PLD5: variants seen among roughly 807,000 people sequenced by gnomAD.
PLD5 encodes the protein inactive phospholipase D5.
PLD5 carries 36 observed loss-of-function variants against 61.1 expected under a neutral mutation model. The observed-to-expected ratio is 0.59, with a 90% CI of 0.45 to 0.78. The LOEUF is 0.78. Among genes scored for constraint, PLD5 ranks in the 30% least tolerant of loss-of-function variants. The pLI is 0.00. For synonymous variants in PLD5, 243 were observed against 242.8 expected, an observed-to-expected ratio of 1.00 and a Z score of -0.01; for missense variants, 515 against 644.4, an observed-to-expected ratio of 0.80 and a Z score of 2.17.
At chr1:242,253,256 C>A (rs1469833258) in intron 4 of PLD5, among the ~76,000 whole-genome samples, 1 of 150,618 alleles carries the variant, frequency 6.6e-6, no homozygotes, top group Non-Finnish European at 1.5e-5. Context: ...CTCAGCCTCC[C>A]AAAGTGCTGG....
chr1:242,318,228 A>C (rs1218299464), intron 2 of PLD5, among the ~76,000 whole-genome samples: 1 of 152,090 alleles, frequency 6.6e-6, no homozygotes, highest in African/African-American at 2.4e-5. Context: ...TGGGATTAAG[A>C]CACTTCTTTG....
chr1:242,239,125 C>T (rs1671828067), intron 4 of PLD5, among the ~76,000 whole-genome samples: 2 of 152,194 alleles, frequency 1.3e-5, no homozygotes, highest in South Asian at 2.1e-4. Flanking sequence ...TCTTGCATTT[C>T]TCCCGTTGGG....
intron 1 of PLD5, among the ~76,000 whole-genome samples, chr1:242,375,223 A>T (rs377055181): frequency 1.3e-5 from 2 of 152,264 alleles, no homozygotes; most frequent in East Asian, 3.9e-4. Context: ...TCTGGAGGGA[A>T]TGGTGCTATT....
At chr1:242,505,739 G>A (rs920681825) in intron 1 of PLD5, among the ~76,000 whole-genome samples, 9 of 152,200 alleles carry the variant, frequency 5.9e-5, no homozygotes, top group Non-Finnish European at 8.8e-5. Context: ...TGCCCGAGGA[G>A]CTCAGAGGTG....
At chr1:242,350,176 T>A (rs1660394340) in intron 1 of PLD5, among the ~76,000 whole-genome samples, 1 of 152,154 alleles carries the variant, frequency 6.6e-6, no homozygotes. Flanking sequence ...AGCATCTTGA[T>A]CTTGGATTTC....
At chr1:242,212,123 G>T (rs963729513) in intron 5 of PLD5, among the ~76,000 whole-genome samples, 1 of 152,074 alleles carries the variant, frequency 6.6e-6, no homozygotes, top group Non-Finnish European at 1.5e-5. Flanking sequence ...GAAGGAGGAA[G>T]AACCATCACC....
intron 1 of PLD5, among the ~76,000 whole-genome samples, chr1:242,352,368 T>C (rs1341159214): frequency 6.6e-6 from 1 of 152,198 alleles, no homozygotes; most frequent in African/African-American, 2.4e-5. Context: ...TCCATGTTGG[T>C]ACAAATTACA....
At chr1:242,400,926 T>C (rs889515263) in intron 1 of PLD5, among the ~76,000 whole-genome samples, 1 of 152,140 alleles carries the variant, frequency 6.6e-6, no homozygotes, top group African/African-American at 2.4e-5. Context: ...TAGCTTTAAG[T>C]ATCACCCACA....
chr1:242,089,017 A>G lies in PLD5; in HGVS notation c.*837T>C, dbSNP rs1659612304. On this transcript the variant is annotated 3_prime_UTR_variant, in exon 10 of 10. Coordinates refer to ENST00000536534, the MANE Select transcript of PLD5 (RefSeq NM_001372062.1). ...AAATGCAGACTTGATAGCTTGCTGG[A>G]TATTAGCAGGTGGCTACATAATTTT... 2 of 288,514 alleles carry G rather than the reference A, an allele frequency of 6.9e-6. No homozygotes were observed. The highest frequency in any genetic ancestry group is 1.3e-5 in the Non-Finnish European group (2 of 157,406). 17.9% of individuals were successfully genotyped at this position (288,514 alleles called of 1,614,324 possible). A position where few individuals can be genotyped will look rare whatever the true frequency, so the allele number is the denominator to read the frequency against.
intron 2 of PLD5, among the ~76,000 whole-genome samples, chr1:242,305,983 G>A (rs1440520027): frequency 6.6e-6 from 1 of 152,154 alleles, no homozygotes; most frequent in African/African-American, 2.4e-5. Context: ...GTCTTGCAAG[G>A]ACCAAAGGAC....
intron 2 of PLD5, among the ~76,000 whole-genome samples, chr1:242,320,916 A>G (rs1295941263): frequency 6.6e-6 from 1 of 152,122 alleles, no homozygotes; most frequent in African/African-American, 2.4e-5. Flanking sequence ...TACTTCAAAG[A>G]CAGAAAAGGA....
intron 2 of PLD5, among the ~76,000 whole-genome samples, chr1:242,289,902 A>T (rs373697348): frequency 9.4e-4 from 142 of 151,500 alleles, no homozygotes; most frequent in Middle Eastern, 3.4e-3. Context: ...CTGCTAGTAA[A>T]ATGTTCTGTA....
chr1:242,428,519 T>C lies in PLD5; in HGVS notation c.190-80277A>G, dbSNP rs570536498. 3.3e-5 allele frequency among the ~76,000 whole-genome samples: 5 copies of C among 152,346 alleles called. No individual in the cohort carries two copies. The South Asian group carries it at 1.0e-3, about 32-fold the overall frequency. On this transcript the variant is annotated intron_variant, in intron 1 of 9. Transcript: ENST00000536534. ...AAACTGGCTAACCAGACAAGTCTCC[T>C]GTCTTTGCAAAATGTCAGGTTATCT...
chr1:242,396,408 C>A (rs1163556263), intron 1 of PLD5, among the ~76,000 whole-genome samples: 1 of 152,176 alleles, frequency 6.6e-6, no homozygotes, highest in Admixed American at 6.5e-5. Context: ...CCTGACCCCA[C>A]TTTGCCCTCC....
chr1:242,297,599 T>C (rs1361643395), intron 2 of PLD5, among the ~76,000 whole-genome samples: 3 of 150,754 alleles, frequency 2.0e-5, no homozygotes, highest in Admixed American at 2.0e-4. Flanking sequence ...AAAAAATGTT[T>C]AATTAGTATG....
At chr1:242,431,344 A>T (rs938260708) in intron 1 of PLD5, among the ~76,000 whole-genome samples, 1 of 152,204 alleles carries the variant, frequency 6.6e-6, no homozygotes, top group Non-Finnish European at 1.5e-5. Context: ...GGTCAACATG[A>T]TCTCTTTTAA....
chr1:242,448,579 G>A (rs554147732), intron 1 of PLD5, among the ~76,000 whole-genome samples: 10 of 152,174 alleles, frequency 6.6e-5, no homozygotes, highest in South Asian at 6.2e-4. Flanking sequence ...CCCATCTCCC[G>A]TGTTTTCCTC....
rs1673023966 is a variant in PLD5 at position 242,256,506 on chromosome 1, C to G, written c.607+8831G>C. On this transcript the variant is annotated intron_variant, in intron 4 of 9. Coordinates refer to ENST00000536534, the MANE Select transcript of PLD5 (RefSeq NM_001372062.1). This position sits in a 1 kb window ranked among gnomAD's most constrained non-coding sequence, Gnocchi z 5.7. ...TGTAGCGGGGGTTGAAAGGAACAAACTTAGATTCTTTTGTGCCCTTCTGTC... is the reference window on the plus strand; with the variant it reads ...TGTAGCGGGGGTTGAAAGGAACAAAGTTAGATTCTTTTGTGCCCTTCTGTC... Among the ~76,000 whole-genome samples the G allele has an allele frequency of 6.6e-6, 1 of 152,162 alleles. No homozygotes were observed. Among genetic ancestry groups the G allele is most frequent in the Non-Finnish European group, 1.5e-5 (1 of 68,042 alleles).
chr1:242,380,545 C>T lies in PLD5; in HGVS notation c.190-32303G>A, dbSNP rs112416045. Among the ~76,000 whole-genome samples the T allele has an allele frequency of 4.9e-3, 745 of 152,140 alleles. 6 individuals are homozygous for T. Among genetic ancestry groups the T allele is most frequent in the African/African-American group, 0.017 (714 of 41,504 alleles). ...TCAAAGCACAAAGCTAGGAAATAAA[C>T]GCACATATCATGCATTTATTTTGAC... On this transcript the variant is annotated intron_variant, in intron 1 of 9. Transcript: ENST00000536534.
Sources: allele counts gnomAD v4.1 joint callset (sites outside exome capture counted in the v4.1 genomes callset), GRCh38; gene constraint gnomAD v4.1.1; non-coding constraint Gnocchi (gnomAD v3.1); transcripts MANE v1.5; gene names NCBI Gene and HGNC (gene_info 2026-07-23, HGNC 2026-07-21).